The following NHSL1 variants were observed in gnomAD, a reference collection of about 807,000 sequenced individuals.
NHSL1 encodes NHS-like protein 1.
Under a neutral mutation model 95.0 loss-of-function variants are expected in NHSL1, and 48 were observed. The observed-to-expected ratio is 0.51, with a 90% confidence interval of 0.40 to 0.64. NHSL1 has a LOEUF of 0.64. Among genes scored for constraint, NHSL1 ranks in the 30% least tolerant of loss-of-function variants. The pLI is 0.00. For synonymous variants in NHSL1, 783 were observed against 833.9 expected (o/e 0.94, Z 1.05); for missense variants, 1,971 against 2,077.7 (o/e 0.95, Z 1.00).
intron 1 of NHSL1, among the ~76,000 whole-genome samples, chr6:138,608,258 T>C (rs1240321070): frequency 6.6e-6 from 1 of 152,244 alleles, no homozygotes; most frequent in Non-Finnish European, 1.5e-5. Context: ...ATGTTTCTCA[T>C]ACTGAGTAAT....
At position 138,505,438 on chromosome 6, in the gene NHSL1, G is replaced by A. The variant is rs573426663; in HGVS notation, c.17-9067C>T. 5.9e-5 allele frequency among the ~76,000 whole-genome samples: 9 copies of A among 152,138 alleles called. No homozygotes were observed. In the South Asian group the frequency reaches 1.0e-3, roughly 18 times the overall value. On this transcript the variant is annotated intron_variant, in intron 1 of 4. Coordinates refer to the NHSL1 transcript ENST00000342260. The stretch of plus-strand genomic sequence containing the variant: ...TGGGAGGCCAAGATAGGCGGATCAC[G>A]AGGTCAGGAGATCGAGACCATCCTA...
At chr6:138,485,850 T>C (rs1193059384) in intron 2 of NHSL1, among the ~76,000 whole-genome samples, 1 of 152,162 alleles carries the variant, frequency 6.6e-6, no homozygotes. Context: ...TTTAATAATA[T>C]CATTTGTCTT....
At position 138,525,572 on chromosome 6, in the gene NHSL1, TAAATAAAA is replaced by T. The variant is rs1309739828; in HGVS notation, c.16+20043_16+20050del. 3.2e-4 allele frequency among the ~76,000 whole-genome samples: 43 copies of T among 135,582 alleles called. No homozygotes were observed. In the East Asian group the frequency reaches 5.7e-3, roughly 18 times the overall value. 88.9% of individuals were successfully genotyped at this position (135,582 alleles called of 152,430 possible). On this transcript the variant is annotated intron_variant, in intron 1 of 4. Transcript: ENST00000342260. ...ATAAATAAATAAATAAATAAATAAA[TAAATAAAA>T]AGGGAAAGATGCAGTCCTATATGCT...
At chr6:138,545,851 C>T, upstream of NHSL1, 1 of 1,126,892 alleles carries the variant, frequency 8.9e-7, no homozygotes, top group Non-Finnish European at 1.1e-6. Context: ...TATTTCACAC[C>T]ATGGAATCAG....
chr6:138,669,390 G>A (rs770273414), intron 1 of NHSL1, among the ~76,000 whole-genome samples: 18 of 152,102 alleles, frequency 1.2e-4, no homozygotes, highest in Non-Finnish European at 1.6e-4. Context: ...CCAACTCGGC[G>A]GGGAAGCTAA....
chr6:138,685,526 C>T (rs952045471), intron 1 of NHSL1, among the ~76,000 whole-genome samples: 7 of 151,916 alleles, frequency 4.6e-5, no homozygotes, highest in African/African-American at 1.5e-4. Context: ...TGACGATCCA[C>T]GCACTCTATG....
chr6:138,672,800 C>T (rs879614626), intron 1 of NHSL1, among the ~76,000 whole-genome samples: 2 of 152,128 alleles, frequency 1.3e-5, no homozygotes, highest in Admixed American at 6.5e-5. Flanking sequence ...AGGCAGATCA[C>T]GAGGTCAGGA....
intron 1 of NHSL1, among the ~76,000 whole-genome samples, chr6:138,665,581 AAATG>A: frequency 6.6e-6 from 1 of 152,356 alleles, no homozygotes; most frequent in African/African-American, 2.4e-5. Flanking sequence ...ATGGATGGAT[AAATG>A]AATGAATGAA....
intron 1 of NHSL1, among the ~76,000 whole-genome samples, chr6:138,589,345 C>T (rs775518716): frequency 6.6e-5 from 10 of 152,122 alleles, no homozygotes; most frequent in East Asian, 5.8e-4. Context: ...AATACAGACC[C>T]GGGGCCCACC....
At chr6:138,436,564 G>A (rs931890264) in intron 5 of NHSL1, among the ~76,000 whole-genome samples, 19 of 152,322 alleles carry the variant, frequency 1.2e-4, no homozygotes, top group African/African-American at 3.1e-4. Context: ...AAATGCTGAC[G>A]GAAAAGCTGC....
At chr6:138,527,973 C>T (rs986908753) in intron 1 of NHSL1, among the ~76,000 whole-genome samples, 14 of 152,298 alleles carry the variant, frequency 9.2e-5, no homozygotes, top group Admixed American at 5.2e-4. Flanking sequence ...AGCCTGTGAA[C>T]GAATGCCAGA....
chr6:138,534,631 T>C (rs1782264912), intron 1 of NHSL1, among the ~76,000 whole-genome samples: 1 of 152,170 alleles, frequency 6.6e-6, no homozygotes, highest in East Asian at 1.9e-4. Flanking sequence ...TCTAACTTAA[T>C]CCCTATCAAT....
chr6:138,424,846 T>G lies in NHSL1; in HGVS notation c.4086-30A>C, dbSNP rs897755404. The G allele has an allele frequency of 9.8e-6, 15 of 1,530,242 alleles. No homozygotes were observed. Among genetic ancestry groups the G allele is most frequent in the African/African-American group, 1.4e-5 (1 of 72,442 alleles). The allele number at this position is 1,530,242 out of a possible 1,614,324, so 94.8% of individuals were successfully genotyped here. On this transcript the variant is annotated intron_variant, in intron 7 of 7. Coordinates refer to ENST00000343505, the MANE Select transcript of NHSL1 (RefSeq NM_001144060.2). The surrounding 1 kb of genome is among the most constrained non-coding windows in gnomAD (Gnocchi z 5.9). Reference sequence around the variant, plus strand: ...GATTTAATAACATTAAGAAAAAGGTTAATTCCCACGGGACCACAGGCTGTC... The same window carrying G: ...GATTTAATAACATTAAGAAAAAGGTGAATTCCCACGGGACCACAGGCTGTC...
At chr6:138,544,838 C>T (rs188766385) in intron 1 of NHSL1, among the ~76,000 whole-genome samples, 27 of 151,822 alleles carry the variant, frequency 1.8e-4, no homozygotes, top group Admixed American at 5.9e-4. Flanking sequence ...ATAGAGTTGA[C>T]GGAAAAAATA....
intron 2 of NHSL1, among the ~76,000 whole-genome samples, chr6:138,482,719 G>A (rs773002112): frequency 7.2e-5 from 11 of 152,114 alleles, no homozygotes; most frequent in Non-Finnish European, 1.2e-4. Flanking sequence ...TGCCACCAAC[G>A]AGAGAGAAGA....
intron 1 of NHSL1, among the ~76,000 whole-genome samples, chr6:138,634,786 T>C (rs116997237): frequency 2.0e-5 from 3 of 151,076 alleles, no homozygotes; most frequent in East Asian, 3.9e-4. Context: ...GGATAGACCA[T>C]ATGTTAGGTC....
At chr6:138,505,924 A>T (rs1780940354) in intron 1 of NHSL1, among the ~76,000 whole-genome samples, 1 of 152,206 alleles carries the variant, frequency 6.6e-6, no homozygotes, top group African/African-American at 2.4e-5. Context: ...AACATCTAGC[A>T]TAGAAGACTG....
intron 1 of NHSL1, among the ~76,000 whole-genome samples, chr6:138,533,201 A>G (rs1334398973): frequency 6.6e-6 from 1 of 152,216 alleles, no homozygotes; most frequent in Non-Finnish European, 1.5e-5. Context: ...AAATAATCAA[A>G]TGGACCTAAA....
chr6:138,686,770 A>T (rs1182178994), intron 1 of NHSL1, among the ~76,000 whole-genome samples: 1 of 152,194 alleles, frequency 6.6e-6, no homozygotes, highest in Non-Finnish European at 1.5e-5. Flanking sequence ...AGCTTTCTAG[A>T]CGATTGCAGT....
Sources: allele counts gnomAD v4.1 joint callset (sites outside exome capture counted in the v4.1 genomes callset), GRCh38; gene constraint gnomAD v4.1.1; non-coding constraint Gnocchi (gnomAD v3.1); transcripts MANE v1.5; gene names NCBI Gene and HGNC (gene_info 2026-07-23, HGNC 2026-07-21).